The following ITPR2 variants were observed in gnomAD, a reference collection of about 807,000 sequenced individuals.
The protein encoded by ITPR2 is inositol 1,4,5-trisphosphate-gated calcium channel ITPR2.
In ITPR2, 207 loss-of-function variants were observed where a neutral mutation model predicts 317.1. The ratio of observed to expected loss-of-function variants is 0.65; its 90% CI spans 0.58 to 0.73. The LOEUF is 0.73. ITPR2 is among the 30% of genes least tolerant of loss of function. The pLI, the probability that ITPR2 is intolerant of heterozygous loss-of-function variation, is 0.00. For missense variants in ITPR2, 2,613 were observed against 3,284.0 expected (o/e 0.80, Z 4.99); for synonymous variants, 1,156 against 1,149.1 (o/e 1.01, Z -0.12).
At position 26,370,908 on chromosome 12, in the gene ITPR2, C is replaced by T. The variant is rs184699616; in HGVS notation, c.7857+16526G>A. The stretch of plus-strand genomic sequence containing the variant: ...TAAGCTGGTCTCGAACTCCTGACCC[C>T]GTGATCCGCCTGCCTCGGCCTCCCA... On this transcript the variant is annotated intron_variant, in intron 55 of 56. Coordinates refer to ENST00000381340, the MANE Select transcript of ITPR2 (RefSeq NM_002223.4). Among the ~76,000 whole-genome samples the T allele has an allele frequency of 4.1e-3, 626 of 152,230 alleles. 7 individuals are homozygous for T. The highest frequency in any genetic ancestry group is 0.014 in the African/African-American group (588 of 41,546).
At chr12:26,662,969 T>A (rs1592010560) in intron 15 of ITPR2, among the ~76,000 whole-genome samples, 1 of 152,094 alleles carries the variant, frequency 6.6e-6, no homozygotes, top group Non-Finnish European at 1.5e-5. Flanking sequence ...CGCCACCTGG[T>A]TTGTATTTTT....
At position 26,339,483 on chromosome 12, in the gene ITPR2, T is replaced by A. The variant is rs1299886632; in HGVS notation, c.8020A>T (p.Met2674Leu). ...SGQLAELKEQ[M>L]TEQRKNKQRL... Reference sequence around the variant, plus strand: ...TGCTTATTCTTCCTTTGTTCTGTCATCTGGGGGAAAAGAGAGAGTGTGTGT... The same window carrying A: ...TGCTTATTCTTCCTTTGTTCTGTCAACTGGGGGAAAAGAGAGAGTGTGTGT... The change falls in exon 57 of 57, where the codon ATG (methionine) becomes TTG (leucine). Residue 2674 changes from methionine to leucine, a missense_variant and splice_region_variant. This residue lies in a region of ITPR2 where 119 missense variants were observed against 144.3 expected (regional missense o/e 0.82). Transcript: ENST00000381340. The A allele has an allele frequency of 4.3e-6, 7 of 1,613,396 alleles. No homozygotes were observed. Among genetic ancestry groups the A allele is most frequent in the Non-Finnish European group, 5.9e-6 (7 of 1,179,458 alleles).
At chr12:26,524,187 GCTAT>G (rs34291074) in intron 37 of ITPR2, among the ~76,000 whole-genome samples, 54,431 of 151,748 alleles carry the variant, frequency 0.36, 12,088 homozygotes, top group Non-Finnish European at 0.5. Context: ...AACGAATAAG[GCTAT>G]CTAATAGTAT....
At chr12:26,486,946 T>C in intron 40 of ITPR2, 122 bp downstream of exon 40, 1 of 1,026,606 alleles carries the variant, frequency 9.7e-7, no homozygotes, top group Non-Finnish European at 1.5e-6. Flanking sequence ...TTATGGATGA[T>C]CAGAGCCACA....
At chr12:26,689,009 A>T (rs574217452) in intron 10 of ITPR2, among the ~76,000 whole-genome samples, 3 of 152,374 alleles carry the variant, frequency 2.0e-5, no homozygotes, top group African/African-American at 7.2e-5. Flanking sequence ...CACAAAAATA[A>T]AAGTTAACTA....
At chr12:26,832,200 C>T (rs944033638) in intron 1 of ITPR2, among the ~76,000 whole-genome samples, 2 of 152,174 alleles carry the variant, frequency 1.3e-5, no homozygotes, top group African/African-American at 2.4e-5. Flanking sequence ...CGCAGGACAA[C>T]GCCACACTTT....
At chr12:26,415,266 C>T (rs1197974624) in intron 51 of ITPR2, 37 bp downstream of exon 51, 2 of 1,366,004 alleles carry the variant, frequency 1.5e-6, no homozygotes, top group Non-Finnish European at 2.0e-6. Context: ...GTCATATCTG[C>T]CATCAGAGAA....
At chr12:26,746,457 C>T (rs541794041) in intron 2 of ITPR2, among the ~76,000 whole-genome samples, 29 of 152,314 alleles carry the variant, frequency 1.9e-4, no homozygotes, top group Non-Finnish European at 3.5e-4. Context: ...CACTCTAAAA[C>T]ATGTAAACTT....
chr12:26,612,449 A>G (rs1286927914), intron 26 of ITPR2, among the ~76,000 whole-genome samples: 1 of 152,180 alleles, frequency 6.6e-6, no homozygotes, highest in Non-Finnish European at 1.5e-5. Flanking sequence ...GGCTGTTTCC[A>G]TTGATACTGT....
chr12:26,353,131 A>G (rs1483448435), intron 55 of ITPR2, among the ~76,000 whole-genome samples: 1 of 152,196 alleles, frequency 6.6e-6, no homozygotes, highest in African/African-American at 2.4e-5. Context: ...CTCCTAATAC[A>G]ACAAAGATGC....
intron 5 of ITPR2, among the ~76,000 whole-genome samples, chr12:26,717,493 C>T (rs188655444): frequency 3.6e-3 from 548 of 152,290 alleles, no homozygotes; most frequent in South Asian, 0.015. Flanking sequence ...CTGCTGTTTA[C>T]AGGACTGGTC....
rs1286631018 is a variant in ITPR2 at position 26,671,539 on chromosome 12, C to G, written c.1410-5488G>C. 3.3e-5 allele frequency among the ~76,000 whole-genome samples: 5 copies of G among 151,836 alleles called. No homozygotes were observed. The East Asian group carries it at 7.8e-4, about 24-fold the overall frequency. ...CCACCAGGCCTGCCCTAAAAGAGGT[C>G]CTGAAGGAAGCACTAAACATGGAAA... On this transcript the variant is annotated intron_variant, in intron 13 of 56. Coordinates refer to ENST00000381340, the MANE Select transcript of ITPR2 (RefSeq NM_002223.4).
At chr12:26,485,940 TC>T (rs1340778800) in intron 41 of ITPR2, among the ~76,000 whole-genome samples, 163 bp downstream of exon 41, 2 of 152,234 alleles carry the variant, frequency 1.3e-5, no homozygotes, top group Non-Finnish European at 2.9e-5. Context: ...TTCTTCCTTT[TC>T]TTCACTGATA....
chr12:26,585,142 C>A (rs781703697), intron 32 of ITPR2, among the ~76,000 whole-genome samples: 19 of 152,034 alleles, frequency 1.2e-4, no homozygotes, highest in Non-Finnish European at 2.5e-4. Flanking sequence ...ACTTATAATC[C>A]TATAATTCAG....
chr12:26,461,836 G>A (rs1019830427), intron 45 of ITPR2, among the ~76,000 whole-genome samples: 4 of 151,202 alleles, frequency 2.6e-5, no homozygotes, highest in African/African-American at 9.7e-5. Flanking sequence ...TCCTGACAAG[G>A]GACTTTTCAG....
intron 9 of ITPR2, among the ~76,000 whole-genome samples, chr12:26,697,509 A>G (rs1397600770): frequency 6.6e-6 from 1 of 152,228 alleles, no homozygotes; most frequent in Non-Finnish European, 1.5e-5. Context: ...CTAAAATGAT[A>G]GTATAGAAAC....
Position 26,832,686 on chromosome 12 carries a change from T to C in ITPR2, c.92+4A>G, listed in dbSNP as rs372947894. On this transcript the variant is annotated splice_donor_region_variant and intron_variant, in intron 1 of 56. Transcript: ENST00000381340. ...GCGCTGCCCAGCCCTCGTCTCCCGC[T>C]TACCCCAAGGTGCTGATGAAGCCGT... 2 of 1,591,248 alleles carry C rather than the reference T, an allele frequency of 1.3e-6. No homozygotes were observed. The highest frequency in any genetic ancestry group is 1.4e-5 in the African/African-American group (1 of 71,994).
At chr12:26,567,712 T>C (rs1220978365) in intron 34 of ITPR2, among the ~76,000 whole-genome samples, 2 of 151,742 alleles carry the variant, frequency 1.3e-5, no homozygotes, top group African/African-American at 2.4e-5. Flanking sequence ...ACTGTCCAAA[T>C]AGTATAAATA....
intron 55 of ITPR2, among the ~76,000 whole-genome samples, chr12:26,342,382 G>T (rs1277738615): frequency 1.3e-5 from 2 of 151,776 alleles, no homozygotes; most frequent in Admixed American, 1.3e-4. Flanking sequence ...TACAAATGAA[G>T]AAAGTGAGGT....
Sources: gnomAD v4.1 joint callset for allele counts (sites outside exome capture counted in the v4.1 genomes callset) on GRCh38, gnomAD v4.1.1 for gene constraint, gnomAD v4.1.1 regional missense constraint, MANE v1.5 for transcripts, NCBI Gene and HGNC (gene_info 2026-07-23, HGNC 2026-07-21) for gene names.